DNAJC22: variants seen among roughly 807,000 people sequenced by gnomAD.
DNAJC22 encodes dnaJ homolog subfamily C member 22.
Under a neutral mutation model 22.2 loss-of-function variants are expected in DNAJC22, and 24 were observed. The observed-to-expected ratio is 1.08, with a 90% confidence interval of 0.78 to 1.52. DNAJC22 has a LOEUF of 1.52. Among genes scored for constraint, DNAJC22 ranks in the 40% most tolerant of loss-of-function variants. The probability of loss-of-function intolerance (pLI) is 0.00; values close to 1 mark genes in which losing one functional copy is unlikely to be tolerated. For synonymous variants in DNAJC22, 160 were observed against 167.4 expected (o/e 0.96, Z 0.34); for missense variants, 434 against 421.7 (o/e 1.03, Z -0.26).
At chr12:49,350,937 T>C (rs1943775691) in intron 3 of DNAJC22, among the ~76,000 whole-genome samples, 1 of 152,200 alleles carries the variant, frequency 6.6e-6, no homozygotes, top group Non-Finnish European at 1.5e-5. Flanking sequence ...GGGGCTATTA[T>C]AAATAAAGCT....
rs1438837429 is a variant in DNAJC22, at chr12:49,348,096, G to GGGCACCCAGGTAT, written c.-113_-108+7dup. 2 of 152,262 alleles carry GGGCACCCAGGTAT rather than the reference G, an allele frequency of 1.3e-5. No individual in the cohort carries two copies. Among genetic ancestry groups the GGGCACCCAGGTAT allele is most frequent in the Non-Finnish European group, 2.9e-5 (2 of 68,078 alleles). 9.4% of individuals were successfully genotyped at this position (152,262 alleles called of 1,614,324 possible). A position where few individuals can be genotyped will look rare whatever the true frequency, so the allele number is the denominator to read the frequency against. On this transcript the variant is annotated 5_prime_UTR_variant, in exon 2 of 4. It adds an upstream start codon to the 5' untranslated region. Coordinates refer to ENST00000549441, the MANE Select transcript of DNAJC22 (RefSeq NM_001304944.2). ...ACTGGTCTGACTCGGTCTGGGAGCG[G>GGGCACCCAGGTAT]GGCACCCAGGTATGGCCACTTGATT...
rs564850545 is a variant in DNAJC22 at position 49,351,369 on chromosome 12, A to G, written c.893A>G (p.Gln298Arg). The change falls in exon 4 of 4, where the codon CAG becomes CGG. Residue 298 changes from glutamine (Q) to arginine (R), a missense_variant. Gln to Arg is a conservative substitution (Grantham distance 43, BLOSUM62 1). Coordinates refer to ENST00000549441, the MANE Select transcript of DNAJC22 (RefSeq NM_001304944.2). ...ATNEEIHRSY[Q>R]ELVKVWHPDH... ...AATGAAGAAATACATCGGAGTTACC[A>G]GGAGCTAGTGAAGGTCTGGCACCCA... is the stretch of plus-strand genomic sequence containing the variant. 3.8e-5 allele frequency: 61 copies of G among 1,613,788 alleles called. 1 individual carries two copies. The Middle Eastern group carries it at 1.0e-3, about 26-fold the overall frequency.
At position 49,349,278 on chromosome 12, in the gene DNAJC22, G is replaced by A. The variant is rs1479116046; in HGVS notation, c.406G>A (p.Gly136Arg). ...NQTSDFKNTL[G>R]SAFLTSPIFY... ...GACCTCAGACTTTAAGAACACTCTGGGGTCAGCATTTCTCACTTCACCTAT... is the reference window on the plus strand; with the variant it reads ...GACCTCAGACTTTAAGAACACTCTGAGGTCAGCATTTCTCACTTCACCTAT... The change falls in exon 3 of 4, where the codon GGG (glycine) becomes AGG (arginine). Residue 136 changes from glycine to arginine, a missense_variant. Physicochemically the swap from Gly to Arg is moderately radical, Grantham distance 125. Transcript: ENST00000549441. 7 of 1,614,036 alleles carry A rather than the reference G, an allele frequency of 4.3e-6. No individual in the cohort carries two copies. The Admixed American group carries it at 1.2e-4, about 27-fold the overall frequency.
Position 49,349,644 on chromosome 12 carries a change from C to A in DNAJC22, c.772C>A (p.Gln258Lys), listed in dbSNP as rs1943753244. ...GACTGGCTTCAACAGCAGCTGCTTT[C>A]AGGAGTGGGCGAAGCTCTATGAGTT... ...GETGFNSSCF[Q>K]EWAKLYEFVH... Residue 258 changes from glutamine to lysine, a missense_variant, in exon 3 of 4, where the codon CAG (glutamine) becomes AAG (lysine). By Grantham distance (53) the Gln-to-Lys change is moderately conservative. Coordinates refer to ENST00000549441, the MANE Select transcript of DNAJC22 (RefSeq NM_001304944.2). The A allele has an allele frequency of 6.2e-7, 1 of 1,614,120 alleles. No homozygotes were observed. The highest frequency in any genetic ancestry group is 8.5e-7 in the Non-Finnish European group (1 of 1,180,050).
At chr12:49,350,798 A>G (rs2137095626) in intron 3 of DNAJC22, among the ~76,000 whole-genome samples, 1 of 152,124 alleles carries the variant, frequency 6.6e-6, no homozygotes. Context: ...ACGCCCGACC[A>G]TTATTCCTCC....
chr12:49,348,887 C>T lies in DNAJC22; in HGVS notation c.15C>T (p.Leu5=). The change falls in exon 3 of 4, where the codon CTC becomes CTT. Residue 5 remains leucine, a synonymous_variant. Coordinates refer to ENST00000549441, the MANE Select transcript of DNAJC22 (RefSeq NM_001304944.2). Reference sequence around the variant, plus strand: ...TGCCCTAGAGGATGGCCAAGGGGCTCCTGGTGACCTATGCCCTCTGGGCTG... The same window carrying T: ...TGCCCTAGAGGATGGCCAAGGGGCTTCTGGTGACCTATGCCCTCTGGGCTG... MAKG[L]LVTYALWAVG... 6.7e-7 allele frequency: 1 copy of T among 1,500,256 alleles called. No individual in the cohort carries two copies. The highest frequency in any genetic ancestry group is 8.9e-7 in the Non-Finnish European group (1 of 1,126,058). 92.9% of individuals were successfully genotyped at this position (1,500,256 alleles called of 1,614,324 possible).
chr12:49,353,209 C>A lies in DNAJC22; in HGVS notation c.*1707C>A, dbSNP rs1482082956. 2.0e-5 allele frequency: 3 copies of A among 152,128 alleles called. No individual in the cohort carries two copies. Among genetic ancestry groups the A allele is most frequent in the African/African-American group, 7.2e-5 (3 of 41,424 alleles). 9.4% of individuals were successfully genotyped at this position (152,128 alleles called of 1,614,324 possible). On this transcript the variant is annotated 3_prime_UTR_variant, in exon 4 of 4. Transcript: ENST00000549441. ...GAAAGAAAGGGCCCAGGGTGTCTCA[C>A]TTTGCAGAGGAAGATTGGAGACCAG...
At position 49,351,499 on chromosome 12, in the gene DNAJC22, G is replaced by T. The variant is rs776390586; in HGVS notation, c.1023G>T (p.Arg341Ser). 6.5e-7 allele frequency: 1 copy of T among 1,534,238 alleles called. No homozygotes were observed. Among genetic ancestry groups the T allele is most frequent in the Admixed American group, 2.2e-5 (1 of 44,702 alleles). Residue 341 changes from arginine to serine, a missense_variant, in exon 4 of 4, where the codon AGG becomes AGT. Coordinates refer to ENST00000549441, the MANE Select transcript of DNAJC22 (RefSeq NM_001304944.2). ...SQPRKPWGSR[R>S] ...CCAGGAAGCCCTGGGGATCCCGGAG[G>T]TGAAAAGAAACTTCCCCCTGAGGAC...
chr12:49,351,147 T>C, intron 3 of DNAJC22, 170 bp from the exon 4 acceptor site: 5 of 1,362,100 alleles, frequency 3.7e-6, no homozygotes, highest in Non-Finnish European at 4.7e-6. Flanking sequence ...TTTTCTTTTA[T>C]TATTACTCTA....
chr12:49,350,109 C>T, intron 3 of DNAJC22, among the ~76,000 whole-genome samples: 1 of 150,988 alleles, frequency 6.6e-6, no homozygotes, highest in East Asian at 1.9e-4. Flanking sequence ...TGGAGTCTCG[C>T]TGTGTTGCCC....
Position 49,348,882 on chromosome 12 carries a change from G to T in DNAJC22, c.10G>T (p.Gly4Trp), listed in dbSNP as rs201244234. The T allele has an allele frequency of 6.1e-5, 92 of 1,497,122 alleles. No homozygotes were observed. The highest frequency in any genetic ancestry group is 3.7e-4 in the Middle Eastern group (2 of 5,374). The allele number at this position is 1,497,122 out of a possible 1,614,324, so 92.7% of individuals were successfully genotyped here. A position where few individuals can be genotyped will look rare whatever the true frequency, so the allele number is the denominator to read the frequency against. Residue 4 changes from glycine (G) to tryptophan (W), a missense_variant, in exon 3 of 4, where the codon GGG (glycine) becomes TGG (tryptophan). Physicochemically the swap from Gly to Trp is radical, Grantham distance 184 (BLOSUM62 -2). Transcript: ENST00000549441. The stretch of plus-strand genomic sequence containing the variant: ...ACCTTTGCCCTAGAGGATGGCCAAG[G>T]GGCTCCTGGTGACCTATGCCCTCTG... MAK[G>W]LLVTYALWAV...
Position 49,349,059 on chromosome 12 carries a change from C to T in DNAJC22, c.187C>T (p.Gln63Ter). Residue 63 changes from glutamine to a stop codon, truncating the protein, a stop_gained, in exon 3 of 4, where the codon CAG becomes TAG. Coordinates refer to ENST00000549441, the MANE Select transcript of DNAJC22 (RefSeq NM_001304944.2). LOFTEE classifies it high-confidence loss of function. The stretch of plus-strand genomic sequence containing the variant: ...CTTTGTAGCTCAGGCCAACAGAGCC[C>T]AGGGACAGAGGCAGAGCCCCAGAGG... Reference protein sequence around the residue: ...PSFVAQANRAQGQRQSPRGVT... With the variant: ...PSFVAQANRA 3.7e-6 allele frequency: 6 copies of T among 1,612,978 alleles called. No homozygotes were observed. Among genetic ancestry groups the T allele is most frequent in the Non-Finnish European group, 5.1e-6 (6 of 1,179,418 alleles).
intron 3 of DNAJC22, among the ~76,000 whole-genome samples, chr12:49,350,828 T>G (rs1464828474): frequency 3.9e-5 from 6 of 152,134 alleles, no homozygotes; most frequent in Admixed American, 1.3e-4. Flanking sequence ...CAATTGTAAA[T>G]TGTTTGTTTT....
Position 49,348,905 on chromosome 12 carries a change from C to A in DNAJC22, c.33C>A (p.Leu11=), listed in dbSNP as rs571040226. 4.6e-6 allele frequency: 7 copies of A among 1,518,248 alleles called. 1 individual carries two copies. In the Admixed American group the frequency reaches 1.6e-4, roughly 35 times the overall value. 94.0% of individuals were successfully genotyped at this position (1,518,248 alleles called of 1,614,324 possible). MAKGLLVTYA[L]WAVGGPAGLH... is the part of the protein sequence containing the mutation. Reference sequence around the variant, plus strand: ...AGGGGCTCCTGGTGACCTATGCCCTCTGGGCTGTGGGGGGCCCTGCTGGGC... The same window carrying A: ...AGGGGCTCCTGGTGACCTATGCCCTATGGGCTGTGGGGGGCCCTGCTGGGC... Residue 11 remains leucine, a synonymous_variant, in exon 3 of 4, where the codon CTC becomes CTA. Transcript: ENST00000549441.
Position 49,351,663 on chromosome 12 carries a change from C to A in DNAJC22, c.*161C>A, listed in dbSNP as rs575191672. On this transcript the variant is annotated 3_prime_UTR_variant, in exon 4 of 4. Coordinates refer to ENST00000549441, the MANE Select transcript of DNAJC22 (RefSeq NM_001304944.2). ...CTGTAATCCCAGCACTTTGGGAGGC[C>A]GAGGCGGGCAGATCACGAGGTCAGG... 19 of 633,020 alleles carry A rather than the reference C, an allele frequency of 3.0e-5. No individual in the cohort carries two copies. Among genetic ancestry groups the A allele is most frequent in the South Asian group, 1.9e-4 (6 of 31,132 alleles). The allele number at this position is 633,020 out of a possible 1,614,324, so 39.2% of individuals were successfully genotyped here. A position where few individuals can be genotyped will look rare whatever the true frequency, so the allele number is the denominator to read the frequency against.
rs760235276 is a variant in DNAJC22, at chr12:49,349,631, C to T, written c.759C>T (p.Asn253=). Residue 253 remains asparagine, a synonymous_variant, in exon 3 of 4, where the codon AAC becomes AAT. Coordinates refer to ENST00000549441, the MANE Select transcript of DNAJC22 (RefSeq NM_001304944.2). ...WRLLMGETGF[N]SSCFQEWAKL... ...TACTGATGGGGGAGACTGGCTTCAA[C>T]AGCAGCTGCTTTCAGGAGTGGGCGA... 3.7e-6 allele frequency: 6 copies of T among 1,614,136 alleles called. No homozygotes were observed. In the South Asian group the frequency reaches 4.4e-5, roughly 12 times the overall value.
rs1347045453 is a variant in DNAJC22 at position 49,352,908 on chromosome 12, C to T, written c.*1406C>T. On this transcript the variant is annotated 3_prime_UTR_variant, in exon 4 of 4. Transcript: ENST00000549441. ...GAGGTCTGATTCTGGGCTACATACC[C>T]TACTCCTAGAAGCATACAATCTGAT... 6.6e-6 allele frequency: 1 copy of T among 152,164 alleles called. No individual in the cohort carries two copies. Among genetic ancestry groups the T allele is most frequent in the Non-Finnish European group, 1.5e-5 (1 of 68,034 alleles). 9.4% of individuals were successfully genotyped at this position (152,164 alleles called of 1,614,324 possible).
chr12:49,349,045 A>G lies in DNAJC22; in HGVS notation c.173A>G (p.Gln58Arg). ...TGGAAGCTCCCAAGCTTTGTAGCTC[A>G]GGCCAACAGAGCCCAGGGACAGAGG... ...EFWKLPSFVAQANRAQGQRQS... is the reference protein window; with the variant it reads ...EFWKLPSFVARANRAQGQRQS... Residue 58 changes from glutamine to arginine, a missense_variant, in exon 3 of 4, where the codon CAG (glutamine) becomes CGG (arginine). By Grantham distance (43) the Gln-to-Arg change is conservative. Coordinates refer to ENST00000549441, the MANE Select transcript of DNAJC22 (RefSeq NM_001304944.2). The G allele has an allele frequency of 6.2e-7, 1 of 1,608,844 alleles. No individual in the cohort carries two copies. Among genetic ancestry groups the G allele is most frequent in the Non-Finnish European group, 8.5e-7 (1 of 1,177,618 alleles).
chr12:49,347,854 T>C lies in DNAJC22; in HGVS notation c.-359T>C, dbSNP rs1260542925. ...ACTGAGCCCACCGGAGCTGCAGGCG[T>C]CTGCAGAGCCTTGCACCGAGTTTCC... On this transcript the variant is annotated 5_prime_UTR_variant, in exon 2 of 4. Coordinates refer to ENST00000549441, the MANE Select transcript of DNAJC22 (RefSeq NM_001304944.2). 1 of 152,206 alleles carries C rather than the reference T, an allele frequency of 6.6e-6. No individual in the cohort carries two copies. The allele number at this position is 152,206 out of a possible 1,614,324, so 9.4% of individuals were successfully genotyped here.
Sources: allele counts gnomAD v4.1 joint callset (sites outside exome capture counted in the v4.1 genomes callset), GRCh38; gene constraint gnomAD v4.1.1; transcripts MANE v1.5; gene names NCBI Gene and HGNC (gene_info 2026-07-23, HGNC 2026-07-21).